TRIM64C: variants seen among roughly 807,000 people sequenced by gnomAD.
TRIM64C encodes tripartite motif-containing protein 64C.
In TRIM64C, 25 loss-of-function variants were observed where a neutral mutation model predicts 36.1. The ratio of observed to expected loss-of-function variants is 0.69; its 90% CI spans 0.51 to 0.97. TRIM64C has a LOEUF of 0.97. TRIM64C is among the 50% of genes least tolerant of loss of function. The pLI is 0.00. For synonymous variants in TRIM64C, 212 were observed against 185.7 expected (o/e 1.14, Z -1.15); for missense variants, 489 against 536.8 (o/e 0.91, Z 0.88).
intron 2 of TRIM64C, chr11:49,057,631 A>G: frequency 1.9e-6 from 1 of 537,590 alleles, no homozygotes; most frequent in Non-Finnish European, 3.3e-6. Context: ...TTACTGAGTC[A>G]ATTATTTCCT....
Position 49,054,194 on chromosome 11 carries a change from CAG to C in TRIM64C, c.871_872del (p.Leu291GlufsTer13), listed in dbSNP as rs1236299972. The C allele has an allele frequency of 6.4e-7, 1 of 1,551,406 alleles. No individual in the cohort carries two copies. Among genetic ancestry groups the C allele is most frequent in the East Asian group, 2.4e-5 (1 of 40,908 alleles). ...TATAGCAAGGAGTCATTTCTGTACT[CAG>C]AGCATTATCCACTGACAAGGAAAAA... is the stretch of plus-strand genomic sequence containing the variant. ...MLNNFRVDNA[L>X]STEMTPCYIS... On this transcript the variant is annotated frameshift_variant, in exon 6 of 6. Transcript: ENST00000617704. LOFTEE classifies it low-confidence loss of function (END_TRUNC).
intron 1 of TRIM64C, 62 bp from the exon 2 acceptor site, chr11:49,058,234 T>C (rs1313373865): frequency 2.8e-5 from 31 of 1,126,102 alleles, no homozygotes; most frequent in Non-Finnish European, 3.8e-5. Flanking sequence ...CCTTTATCAA[T>C]AAAAAAAAGG....
At position 49,054,082 on chromosome 11, in the gene TRIM64C, C is replaced by A. The variant is rs1364878861; in HGVS notation, c.985G>T (p.Ala329Ser). The A allele has an allele frequency of 1.2e-5, 18 of 1,551,564 alleles. No homozygotes were observed. In the East Asian group the frequency reaches 4.4e-4, roughly 38 times the overall value. ...PMDPQGVESFAVWCAQAFTSG... is the reference protein window; with the variant it reads ...PMDPQGVESFSVWCAQAFTSG... ...GTGAATGCTTGCGCACACCACACAG[C>A]AAAGCTCTCCACTCCTTGGGGATCC... The change falls in exon 6 of 6, where the codon GCT becomes TCT. Residue 329 changes from alanine to serine, a missense_variant. Coordinates refer to ENST00000617704, the MANE Select transcript of TRIM64C (RefSeq NM_001206631.1).
chr11:49,056,128 A>G (rs1854810816), intron 4 of TRIM64C, among the ~76,000 whole-genome samples: 1 of 151,486 alleles, frequency 6.6e-6, no homozygotes, highest in Admixed American at 6.6e-5. Context: ...GGAAGGATGG[A>G]TTAGGAGAAC....
chr11:49,058,674 T>C (rs1298053712), intron 1 of TRIM64C, 27 bp downstream of exon 1: 3 of 1,540,060 alleles, frequency 1.9e-6, no homozygotes, highest in African/African-American at 1.4e-5. Context: ...ATATTCTGTA[T>C]AATTCAAACT....
At chr11:49,055,623 T>G (rs957779877) in intron 4 of TRIM64C, among the ~76,000 whole-genome samples, 1 of 152,168 alleles carries the variant, frequency 6.6e-6, no homozygotes, top group Admixed American at 6.5e-5. Context: ...GATATGTTAT[T>G]CTCAGACATT....
chr11:49,055,303 C>T lies in TRIM64C; in HGVS notation c.859+7G>A, dbSNP rs1854799925. On this transcript the variant is annotated splice_region_variant and intron_variant, in intron 5 of 5. Transcript: ENST00000617704. ...TGAGGCTGGACTGCCAAGCAGCTGG[C>T]TCTTGCCTCTGAAGTTGTTGAGCAT... The T allele has an allele frequency of 6.5e-7, 1 of 1,535,574 alleles. No homozygotes were observed. The highest frequency in any genetic ancestry group is 1.4e-5 in the African/African-American group (1 of 73,008).
rs1339903406 is a variant in TRIM64C, at chr11:49,057,282, C to A, written c.604G>T (p.Glu202Ter). 2.6e-6 allele frequency: 4 copies of A among 1,549,756 alleles called. No homozygotes were observed. In the South Asian group the frequency reaches 4.8e-5, roughly 18 times the overall value. ...EEEQRHLQALEREAKELFQQL... is the reference protein window; with the variant it reads ...EEEQRHLQAL ...TGGAAAAGCTCTTTTGCTTCTCTTT[C>A]CAGTGCCTGCAGATGCCGTTGCTCC... Residue 202 changes from glutamate (E) to a stop codon, truncating the protein, a stop_gained, in exon 3 of 6, where the codon GAA becomes TAA. Transcript: ENST00000617704. LOFTEE classifies it high-confidence loss of function.
At chr11:49,055,071 T>C (rs1590643803) in intron 5 of TRIM64C, among the ~76,000 whole-genome samples, 1 of 152,368 alleles carries the variant, frequency 6.6e-6, no homozygotes, top group African/African-American at 2.4e-5. Context: ...ATATTCTTTG[T>C]CCTCTTATTC....
intron 3 of TRIM64C, 76 bp downstream of exon 3, chr11:49,057,072 T>A: frequency 1.3e-6 from 2 of 1,511,022 alleles, no homozygotes; most frequent in African/African-American, 1.4e-5. Context: ...TGACATATGC[T>A]GATGACATTT....
chr11:49,059,036 A>C lies in TRIM64C; in HGVS notation c.77T>G (p.Val26Gly), dbSNP rs768431203. The C allele has an allele frequency of 8.2e-5, 128 of 1,552,246 alleles. No homozygotes were observed. The highest frequency in any genetic ancestry group is 1.0e-4 in the Non-Finnish European group (119 of 1,147,446). ...AAAGCTGTGCACACAGTCAGTGGTG[A>C]CCGGGTCTATGAAGTAGTTCACGCA... ...CICVNYFIDPVTTDCVHSFCR... is the reference protein window; with the variant it reads ...CICVNYFIDPGTTDCVHSFCR... Residue 26 changes from valine to glycine, a missense_variant, in exon 1 of 6, where the codon GTC becomes GGC. By Grantham distance (109) the Val-to-Gly change is moderately radical. Coordinates refer to ENST00000617704, the MANE Select transcript of TRIM64C (RefSeq NM_001206631.1).
intron 2 of TRIM64C, 47 bp downstream of exon 2, chr11:49,058,031 T>G (rs1236906577): frequency 7.5e-7 from 1 of 1,325,396 alleles, no homozygotes; most frequent in Non-Finnish European, 1.0e-6. Flanking sequence ...ATAAGCCAAC[T>G]TTGTGTTTAT....
Position 49,056,240 on chromosome 11 carries a change from T to C in TRIM64C, c.761+119A>G, listed in dbSNP as rs188697093. 197 of 787,766 alleles carry C rather than the reference T, an allele frequency of 2.5e-4. 1 individual carries two copies. The African/African-American group carries it at 3.4e-3, about 14-fold the overall frequency. The allele number at this position is 787,766 out of a possible 1,614,324, so 48.8% of individuals were successfully genotyped here. A position where few individuals can be genotyped will look rare whatever the true frequency, so the allele number is the denominator to read the frequency against. ...AGAGAAGAAGATCTCAGGCCCTCTT[T>C]TGAAACAAAATCAGAAATAGCCACT... On this transcript the variant is annotated intron_variant, in intron 4 of 5. Coordinates refer to ENST00000617704, the MANE Select transcript of TRIM64C (RefSeq NM_001206631.1).
chr11:49,057,874 G>GTATATTGGATA (rs1854832279), intron 2 of TRIM64C: 1 of 529,622 alleles, frequency 1.9e-6, no homozygotes, highest in Non-Finnish European at 3.4e-6. Flanking sequence ...TACACATCAT[G>GTATATTGGATA]CCGTTTATCC....
At position 49,057,278 on chromosome 11, in the gene TRIM64C, C is replaced by A; in HGVS notation, c.608G>T (p.Arg203Ile). 6.5e-7 allele frequency: 1 copy of A among 1,549,798 alleles called. No homozygotes were observed. Among genetic ancestry groups the A allele is most frequent in the South Asian group, 1.2e-5 (1 of 83,972 alleles). ...EEQRHLQALE[R>I]EAKELFQQLQ... Reference sequence around the variant, plus strand: ...TTGTTGGAAAAGCTCTTTTGCTTCTCTTTCCAGTGCCTGCAGATGCCGTTG... The same window carrying A: ...TTGTTGGAAAAGCTCTTTTGCTTCTATTTCCAGTGCCTGCAGATGCCGTTG... Residue 203 changes from arginine to isoleucine, a missense_variant, in exon 3 of 6, where the codon AGA (arginine) becomes ATA (isoleucine). Coordinates refer to ENST00000617704, the MANE Select transcript of TRIM64C (RefSeq NM_001206631.1).
At chr11:49,056,185 A>AAAT (rs909433634) in intron 4 of TRIM64C, among the ~76,000 whole-genome samples, 174 bp downstream of exon 4, 3 of 151,744 alleles carry the variant, frequency 2.0e-5, no homozygotes, top group African/African-American at 7.3e-5. Flanking sequence ...TAATTCATAC[A>AAAT]AATTTTAAGA....
chr11:49,054,698 T>C (rs1054573361), intron 5 of TRIM64C, among the ~76,000 whole-genome samples: 28 of 152,050 alleles, frequency 1.8e-4, no homozygotes, highest in Admixed American at 1.1e-3. Context: ...ATTATCTGTT[T>C]AGCCCCTGAT....
At position 49,058,113 on chromosome 11, in the gene TRIM64C, G is replaced by C; in HGVS notation, c.472C>G (p.Leu158Val). ...CAAAATTTGCTAGTTTCCTGATTTA[G>C]ATTGTTTTGTGTCTCTTGATTGATT... ...WKINQETQNN[L>V]NQETSKFCSL... Residue 158 changes from leucine (L) to valine (V), a missense_variant, in exon 2 of 6, where the codon CTA becomes GTA. Coordinates refer to ENST00000617704, the MANE Select transcript of TRIM64C (RefSeq NM_001206631.1). 5 of 1,528,020 alleles carry C rather than the reference G, an allele frequency of 3.3e-6. No homozygotes were observed. Among genetic ancestry groups the C allele is most frequent in the Non-Finnish European group, 4.4e-6 (5 of 1,144,108 alleles). 94.7% of individuals were successfully genotyped at this position (1,528,020 alleles called of 1,614,324 possible). A position where few individuals can be genotyped will look rare whatever the true frequency, so the allele number is the denominator to read the frequency against.
chr11:49,055,489 T>A, intron 4 of TRIM64C, 82 bp from the exon 5 acceptor site: 1 of 1,506,268 alleles, frequency 6.6e-7, no homozygotes. Context: ...TATTTTCATA[T>A]AAGATGTTTC....
Sources: allele counts gnomAD v4.1 joint callset (sites outside exome capture counted in the v4.1 genomes callset), GRCh38; gene constraint gnomAD v4.1.1; transcripts MANE v1.5; gene names NCBI Gene and HGNC (gene_info 2026-07-23, HGNC 2026-07-21).